The following PCBP4 variants were observed in gnomAD, a reference collection of about 807,000 sequenced individuals.
PCBP4 encodes poly(rC)-binding protein 4.
A neutral mutation model predicts 46.2 loss-of-function variants in PCBP4; 24 were observed. The observed-to-expected ratio is 0.52, with a 90% CI of 0.38 to 0.73. The LOEUF (loss-of-function observed/expected upper bound fraction) is 0.73, where lower values mean the gene tolerates loss of function less well. Among genes scored for constraint, PCBP4 ranks in the 30% least tolerant of loss-of-function variants. PCBP4 has a pLI of 0.00. For missense variants in PCBP4, 407 were observed against 537.0 expected, an observed-to-expected ratio of 0.76 and a Z score of 2.39; for synonymous variants, 203 against 224.4, an observed-to-expected ratio of 0.90 and a Z score of 0.85.
chr3:51,959,143 C>G lies in PCBP4; in HGVS notation c.701-44G>C, dbSNP rs376800399. On this transcript the variant is annotated intron_variant, in intron 11 of 13. Coordinates refer to ENST00000461554, the MANE Select transcript of PCBP4 (RefSeq NM_001174100.2). The surrounding 1 kb of genome is among the most constrained non-coding windows in gnomAD (Gnocchi z 5.6). ...ACTGAGTGTGGTTCTGGGCCTTTCC[C>G]GCCCCACCATTTCCACTCTCCCTGG... The G allele has an allele frequency of 1.9e-6, 3 of 1,612,984 alleles. No homozygotes were observed. The highest frequency in any genetic ancestry group is 1.1e-5 in the South Asian group (1 of 91,014).
chr3:51,958,361 G>C lies in PCBP4; in HGVS notation c.924-12C>G, dbSNP rs982197249. 2 of 1,470,006 alleles carry C rather than the reference G, an allele frequency of 1.4e-6. No individual in the cohort carries two copies. The highest frequency in any genetic ancestry group is 1.8e-6 in the Non-Finnish European group (2 of 1,110,720). 91.1% of individuals were successfully genotyped at this position (1,470,006 alleles called of 1,614,324 possible). On this transcript the variant is annotated splice_polypyrimidine_tract_variant and intron_variant, in intron 13 of 13. Coordinates refer to ENST00000461554, the MANE Select transcript of PCBP4 (RefSeq NM_001174100.2). The surrounding 1 kb of genome is among the most constrained non-coding windows in gnomAD (Gnocchi z 5.4). ...TGGCCGTCTCTAGACTGGAGAGAGG[G>C]ATATAGAGGGGAGACAAAGGGGAAA...
In PCBP4 at chr3:51,958,148, CG is replaced by C. The variant is rs1559754288; in HGVS notation, c.1124del (p.Pro375ArgfsTer33). 1 of 1,612,266 alleles carries C rather than the reference CG, an allele frequency of 6.2e-7. No individual in the cohort carries two copies. Among genetic ancestry groups the C allele is most frequent in the South Asian group, 1.1e-5 (1 of 90,914 alleles). The part of the protein sequence containing the change: ...FLALPPASPG[P>X]PPGLAAYTAK... ...CAGTGTAGGCCGCCAAGCCCGGCGG[CG>C]GCCCTGGGGAAGCAGGTGGTAAAGC... On this transcript the variant is annotated frameshift_variant, in exon 14 of 14. Coordinates refer to ENST00000461554, the MANE Select transcript of PCBP4 (RefSeq NM_001174100.2). LOFTEE classifies it high-confidence loss of function. This position sits in a 1 kb window ranked among gnomAD's most constrained non-coding sequence, Gnocchi z 5.4.
Position 51,960,834 on chromosome 3 carries a change from C to T in PCBP4, c.138+32G>A, listed in dbSNP as rs1358807611. On this transcript the variant is annotated intron_variant, in intron 5 of 13. Coordinates refer to ENST00000461554, the MANE Select transcript of PCBP4 (RefSeq NM_001174100.2). The surrounding 1 kb of genome is among the most constrained non-coding windows in gnomAD (Gnocchi z 5.0). ...AGGGATCTCCCCTCCACATCAGGTG[C>T]CCTGGGCTCCTCCCCCAAACTCCAT... 2 of 1,612,182 alleles carry T rather than the reference C, an allele frequency of 1.2e-6. No homozygotes were observed. The highest frequency in any genetic ancestry group is 2.2e-5 in the East Asian group (1 of 44,860).
rs370297005 is a variant in PCBP4, at chr3:51,960,502, G to T, written c.255+24C>A. The stretch of plus-strand genomic sequence containing the variant: ...TTCCTCCTGGGGAACCACTCTTGGC[G>T]TCCTGCCCTGGCCAGCCACGGACCT... On this transcript the variant is annotated intron_variant, in intron 6 of 13. Transcript: ENST00000461554. This position sits in a 1 kb window ranked among gnomAD's most constrained non-coding sequence, Gnocchi z 5.0. The T allele has an allele frequency of 6.3e-7, 1 of 1,591,064 alleles. No homozygotes were observed. The highest frequency in any genetic ancestry group is 2.2e-5 in the East Asian group (1 of 44,764).
At chr3:51,964,927 T>C (rs528975029) in intron 1 of PCBP4, among the ~76,000 whole-genome samples, 9 of 152,284 alleles carry the variant, frequency 5.9e-5, no homozygotes, top group African/African-American at 1.9e-4. Flanking sequence ...ATCTGCCACA[T>C]AGACAAAGTG....
chr3:51,958,824 A>C lies in PCBP4; in HGVS notation c.889T>G (p.Ser297Ala). ...ATGAGGTACTGGGCCAGGGCGATGG[A>C]GACCGGAGAGCCAGTGATGGTGACA... ...RHVTITGSPV[S>A]IALAQYLITA... Residue 297 changes from serine to alanine, a missense_variant, in exon 13 of 14, where the codon TCC becomes GCC. Physicochemically the swap from Ser to Ala is moderately conservative, Grantham distance 99 (BLOSUM62 1). Transcript: ENST00000461554. The surrounding 1 kb of genome is among the most constrained non-coding windows in gnomAD (Gnocchi z 5.4). 1 of 1,613,828 alleles carries C rather than the reference A, an allele frequency of 6.2e-7. No homozygotes were observed. Among genetic ancestry groups the C allele is most frequent in the Non-Finnish European group, 8.5e-7 (1 of 1,179,924 alleles).
chr3:51,963,862 T>C (rs1390992658), intron 1 of PCBP4, among the ~76,000 whole-genome samples: 1 of 152,208 alleles, frequency 6.6e-6, no homozygotes, highest in Non-Finnish European at 1.5e-5. Context: ...TTCCAAATTA[T>C]TCTCCTAGGG....
At position 51,959,980 on chromosome 3, in the gene PCBP4, T is replaced by C. The variant is rs764249599; in HGVS notation, c.431A>G (p.Asn144Ser). ...TACCGTAACAGCTCGCTCTGTGGAG[T>C]TGGGGAGCAGGTCCCCTGCCACCTG... ...QVQVAGDLLP[N>S]STERAVTVSG... Residue 144 changes from asparagine to serine, a missense_variant, in exon 8 of 14, where the codon AAC (asparagine) becomes AGC (serine). By Grantham distance (46) the Asn-to-Ser change is conservative. Coordinates refer to ENST00000461554, the MANE Select transcript of PCBP4 (RefSeq NM_001174100.2). The surrounding 1 kb of genome is among the most constrained non-coding windows in gnomAD (Gnocchi z 5.6). 4.3e-6 allele frequency: 7 copies of C among 1,613,874 alleles called. No individual in the cohort carries two copies. Among genetic ancestry groups the C allele is most frequent in the Admixed American group, 1.7e-5 (1 of 59,978 alleles).
rs778483193 is a variant in PCBP4, at chr3:51,959,179, G to T, written c.700+50C>A. On this transcript the variant is annotated intron_variant, in intron 11 of 13. Transcript: ENST00000461554. The surrounding 1 kb of genome is among the most constrained non-coding windows in gnomAD (Gnocchi z 5.6). ...TTCCACTCTCCCTGGAAGGGAGGGGGCTGCCCTCTTAGGACCCTCCCCCTG... is the reference window on the plus strand; with the variant it reads ...TTCCACTCTCCCTGGAAGGGAGGGGTCTGCCCTCTTAGGACCCTCCCCCTG... The T allele has an allele frequency of 1.6e-5, 25 of 1,611,954 alleles. No individual in the cohort carries two copies. The highest frequency in any genetic ancestry group is 2.1e-5 in the Non-Finnish European group (25 of 1,178,052).
In PCBP4 at chr3:51,966,519, G is replaced by C. The variant is rs533449641; in HGVS notation, c.-213+807C>G. Among the ~76,000 whole-genome samples, 155 of 152,264 alleles carry C rather than the reference G, an allele frequency of 1.0e-3. 1 individual carries two copies. The highest frequency in any genetic ancestry group is 3.6e-3 in the African/African-American group (149 of 41,522). On this transcript the variant is annotated intron_variant, in intron 1 of 13. Transcript: ENST00000461554. ...TCAGCTCCTAGGGAGTTCATGGATT[G>C]TAAGAGCCTTTGTGGCGGAAGGCAA...
chr3:51,959,535 T>C lies in PCBP4; in HGVS notation c.591+42A>G. On this transcript the variant is annotated intron_variant, in intron 9 of 13. Coordinates refer to ENST00000461554, the MANE Select transcript of PCBP4 (RefSeq NM_001174100.2). The surrounding 1 kb of genome is among the most constrained non-coding windows in gnomAD (Gnocchi z 5.6). ...ATCCCCTCCTCTATCTCAATCCCCC[T>C]TCTCCAGTAATGTGTCCCACTGCTC... The C allele has an allele frequency of 3.3e-6, 5 of 1,537,730 alleles. No homozygotes were observed. Among genetic ancestry groups the C allele is most frequent in the Non-Finnish European group, 4.4e-6 (5 of 1,134,516 alleles).
chr3:51,960,888 G>T lies in PCBP4; in HGVS notation c.116C>A (p.Thr39Asn). 6.2e-7 allele frequency: 1 copy of T among 1,612,130 alleles called. No homozygotes were observed. The highest frequency in any genetic ancestry group is 1.7e-5 in the Admixed American group (1 of 60,000). Residue 39 changes from threonine to asparagine, a missense_variant, in exon 5 of 14, where the codon ACT becomes AAT. Transcript: ENST00000461554. This position sits in a 1 kb window ranked among gnomAD's most constrained non-coding sequence, Gnocchi z 5.0. ...VGSIIGKKGE[T>N]VKRIREQSSA... ...CACCTGCTCCCGGATTCGCTTTACA[G>T]TCTCGCCCTTCTGTGGGAGGTACAA... is the stretch of plus-strand genomic sequence containing the variant.
At chr3:51,966,558 CAT>C (rs887530474) in intron 1 of PCBP4, among the ~76,000 whole-genome samples, 89 of 152,222 alleles carry the variant, frequency 5.8e-4, no homozygotes, top group African/African-American at 2.0e-3. Context: ...CCTGGGGACA[CAT>C]GTCCTGCTGG....
In PCBP4 at chr3:51,959,928, C is replaced by A. The variant is rs1479323397; in HGVS notation, c.483G>T (p.Leu161=). The change falls in exon 8 of 14, where the codon CTG becomes CTT. Residue 161 remains leucine, a synonymous_variant. Coordinates refer to ENST00000461554, the MANE Select transcript of PCBP4 (RefSeq NM_001174100.2). The surrounding 1 kb of genome is among the most constrained non-coding windows in gnomAD (Gnocchi z 5.6). ...TAACAGCGCAGATCTGGCGCACACA[C>A]AGGATGATGGCATCAGGCACCCCAG... The part of the protein sequence containing the change: ...TVSGVPDAII[L]CVRQICAVIL... 8.7e-6 allele frequency: 14 copies of A among 1,606,204 alleles called. No homozygotes were observed. Among genetic ancestry groups the A allele is most frequent in the Non-Finnish European group, 1.1e-5 (13 of 1,175,124 alleles).
At chr3:51,964,077 G>A (rs1172552113) in intron 1 of PCBP4, among the ~76,000 whole-genome samples, 1 of 152,156 alleles carries the variant, frequency 6.6e-6, no homozygotes, top group Non-Finnish European at 1.5e-5. Context: ...CCCTGGCAGG[G>A]CATACCAAGC....
At chr3:51,961,849 A>C (rs1341333149) in intron 2 of PCBP4, 92 bp downstream of exon 2, 3 of 717,190 alleles carry the variant, frequency 4.2e-6, no homozygotes, top group East Asian at 1.3e-4. Flanking sequence ...CCTTGAAGGC[A>C]GGGAGGCCTC....
At chr3:51,965,442 C>T (rs1477340885) in intron 1 of PCBP4, among the ~76,000 whole-genome samples, 1 of 152,226 alleles carries the variant, frequency 6.6e-6, no homozygotes, top group East Asian at 1.9e-4. Context: ...TCTGTGAAGC[C>T]CTCCGCAGGC....
In PCBP4 at chr3:51,959,457, G is replaced by T; in HGVS notation, c.592-46C>A. On this transcript the variant is annotated intron_variant, in intron 9 of 13. Transcript: ENST00000461554. The surrounding 1 kb of genome is among the most constrained non-coding windows in gnomAD (Gnocchi z 5.6). ...AAAAGGGGGTTACTGTGACATTGCA[G>T]TTCAGCCAGAGTCACTCCTTCCCCC... is the stretch of plus-strand genomic sequence containing the variant. 6.4e-7 allele frequency: 1 copy of T among 1,565,232 alleles called. No individual in the cohort carries two copies. The highest frequency in any genetic ancestry group is 8.7e-7 in the Non-Finnish European group (1 of 1,152,174).
rs1295903406 is a variant in PCBP4, at chr3:51,958,806, A to G, written c.907T>C (p.Tyr303His). 7 of 1,613,592 alleles carry G rather than the reference A, an allele frequency of 4.3e-6. No homozygotes were observed. Among genetic ancestry groups the G allele is most frequent in the South Asian group, 1.1e-5 (1 of 91,070 alleles). Residue 303 changes from tyrosine (Y) to histidine (H), a missense_variant, in exon 13 of 14, where the codon TAC becomes CAC. Tyr to His is a moderately conservative substitution (Grantham distance 83). Transcript: ENST00000461554. This position sits in a 1 kb window ranked among gnomAD's most constrained non-coding sequence, Gnocchi z 5.4. The part of the protein sequence containing the change: ...GSPVSIALAQ[Y>H]LITACLETAK... ...CGCGCTCACCAGGCAGTGATGAGGTACTGGGCCAGGGCGATGGAGACCGGA... is the reference window on the plus strand; with the variant it reads ...CGCGCTCACCAGGCAGTGATGAGGTGCTGGGCCAGGGCGATGGAGACCGGA...
Sources: allele counts gnomAD v4.1 joint callset (sites outside exome capture counted in the v4.1 genomes callset), GRCh38; gene constraint gnomAD v4.1.1; non-coding constraint Gnocchi (gnomAD v3.1); transcripts MANE v1.5; gene names NCBI Gene and HGNC (gene_info 2026-07-23, HGNC 2026-07-21).